Variants in DCC observed in about 807,000 individuals in gnomAD.
The protein encoded by DCC is DCC netrin 1 receptor, also known as netrin receptor DCC.
A neutral mutation model predicts 172.5 loss-of-function variants in DCC; 58 were observed. The observed-to-expected ratio is 0.34, with a 90% CI of 0.27 to 0.42. The LOEUF is 0.42. Among genes scored for constraint, DCC ranks in the 10% least tolerant of loss-of-function variants. The probability of loss-of-function intolerance (pLI) is 1.00; values close to 1 mark genes in which losing one functional copy is unlikely to be tolerated. For synonymous variants in DCC, 709 were observed against 644.5 expected, an observed-to-expected ratio of 1.10 and a Z score of -1.52; for missense variants, 1,740 against 1,791.0, an observed-to-expected ratio of 0.97 and a Z score of 0.51.
At chr18:53,003,150 T>C (rs957216025) in intron 5 of DCC, among the ~76,000 whole-genome samples, 17 of 152,128 alleles carry the variant, frequency 1.1e-4, no homozygotes, top group Non-Finnish European at 1.6e-4. Flanking sequence ...GAAAGTGACT[T>C]GACGTCCTCT....
At chr18:53,070,432 C>T (rs897671804) in intron 7 of DCC, among the ~76,000 whole-genome samples, 5 of 152,168 alleles carry the variant, frequency 3.3e-5, no homozygotes, top group Admixed American at 6.5e-5. Flanking sequence ...AAGCTATTTC[C>T]TTCTAATTTC....
In DCC at chr18:53,518,801, G is replaced by C. The variant is rs149106042; in HGVS notation, c.4112-7816G>C. 2.8e-3 allele frequency among the ~76,000 whole-genome samples: 433 copies of C among 152,216 alleles called. 1 individual carries two copies. The highest frequency in any genetic ancestry group is 0.014 in the Middle Eastern group (4 of 294). ...CCTGGATAGGGGAAATTCTGCAGTGGCTTCAGATTGAGCATTCGTAAATTT... is the reference window on the plus strand; with the variant it reads ...CCTGGATAGGGGAAATTCTGCAGTGCCTTCAGATTGAGCATTCGTAAATTT... On this transcript the variant is annotated intron_variant, in intron 27 of 28. Transcript: ENST00000442544.
At chr18:52,830,638 C>T (rs2038597282) in intron 2 of DCC, among the ~76,000 whole-genome samples, 1 of 152,116 alleles carries the variant, frequency 6.6e-6, no homozygotes, top group Admixed American at 6.5e-5. Context: ...ATTAGTCACT[C>T]ATTTATAGAT....
At chr18:53,434,687 C>G (rs67680898) in intron 21 of DCC, among the ~76,000 whole-genome samples, 36,177 of 152,010 alleles carry the variant, frequency 0.24, 4,796 homozygotes, top group East Asian at 0.41. Context: ...ATACCCAAAG[C>G]CCAGTTATAA....
chr18:52,476,383 G>A (rs1989094960), intron 1 of DCC, among the ~76,000 whole-genome samples: 1 of 152,128 alleles, frequency 6.6e-6, no homozygotes, highest in Non-Finnish European at 1.5e-5. Context: ...GCATTCGTGT[G>A]AGCGTTTAAT....
chr18:52,814,875 C>T (rs2038264473), intron 2 of DCC, among the ~76,000 whole-genome samples: 1 of 152,004 alleles, frequency 6.6e-6, no homozygotes, highest in South Asian at 2.1e-4. Flanking sequence ...GACGTTGGTA[C>T]AGTGAGTGAT....
intron 1 of DCC, among the ~76,000 whole-genome samples, chr18:52,681,796 C>A (rs1007535708): frequency 6.6e-6 from 1 of 152,114 alleles, no homozygotes; most frequent in Non-Finnish European, 1.5e-5. Context: ...TGAGGAGACC[C>A]TCTGTGCCAT....
At chr18:53,327,359 A>G (rs907640520) in intron 14 of DCC, among the ~76,000 whole-genome samples, 2 of 152,166 alleles carry the variant, frequency 1.3e-5, no homozygotes, top group African/African-American at 4.8e-5. Context: ...TTTCATGTAA[A>G]TGTCTTGCAT....
chr18:52,997,664 G>T (rs2041502994), intron 5 of DCC, among the ~76,000 whole-genome samples: 1 of 152,054 alleles, frequency 6.6e-6, no homozygotes, highest in Admixed American at 6.6e-5. Flanking sequence ...CATATTGTTT[G>T]TTCTACAGGT....
chr18:52,581,187 T>TTATCTATCTATCTATCTATCTATC (rs74178674), intron 1 of DCC, among the ~76,000 whole-genome samples: 27,466 of 146,394 alleles, frequency 0.19, 2,974 homozygotes, highest in East Asian at 0.38. Flanking sequence ...TCTATATATC[T>TTATCTATCTATCTATCTATCTATC]TATCTATCTA....
chr18:52,865,881 G>A (rs982273449), intron 2 of DCC, among the ~76,000 whole-genome samples: 10 of 152,182 alleles, frequency 6.6e-5, no homozygotes, highest in South Asian at 2.1e-4. Flanking sequence ...CTTTTGCTGC[G>A]CAGAAACTAT....
intron 2 of DCC, among the ~76,000 whole-genome samples, chr18:52,805,506 C>G (rs1161081763): frequency 6.6e-6 from 1 of 151,968 alleles, no homozygotes; most frequent in Non-Finnish European, 1.5e-5. Flanking sequence ...GAGAGAAGAG[C>G]CAGAGAGGTA....
intron 7 of DCC, among the ~76,000 whole-genome samples, chr18:53,070,424 G>A (rs2042637104): frequency 6.6e-6 from 1 of 152,166 alleles, no homozygotes; most frequent in Non-Finnish European, 1.5e-5. Context: ...AAAATAAAAA[G>A]CTATTTCCTT....
intron 12 of DCC, among the ~76,000 whole-genome samples, chr18:53,220,072 G>A (rs1249325384): frequency 6.6e-6 from 1 of 152,096 alleles, no homozygotes; most frequent in Non-Finnish European, 1.5e-5. Context: ...GTGGGTGGCT[G>A]AGTGAGTCAT....
chr18:52,415,195 T>A (rs1986977553), intron 1 of DCC, among the ~76,000 whole-genome samples: 1 of 152,182 alleles, frequency 6.6e-6, no homozygotes. Context: ...GGACCCTTCA[T>A]AACCTTTTCA....
chr18:52,532,095 T>C (rs532553299), intron 1 of DCC, among the ~76,000 whole-genome samples: 1 of 152,280 alleles, frequency 6.6e-6, no homozygotes, highest in African/African-American at 2.4e-5. Flanking sequence ...TCTACAGGTA[T>C]ATTGGAGTGA....
At chr18:52,369,648 G>A (rs572725287) in intron 1 of DCC, among the ~76,000 whole-genome samples, 1 of 151,646 alleles carries the variant, frequency 6.6e-6, no homozygotes, top group South Asian at 2.1e-4. Context: ...TTCTTTAATT[G>A]TCAGTACTGA....
intron 13 of DCC, among the ~76,000 whole-genome samples, chr18:53,321,584 C>T (rs1308575515): frequency 6.6e-6 from 1 of 151,970 alleles, no homozygotes; most frequent in Non-Finnish European, 1.5e-5. Flanking sequence ...GAGACAAAAG[C>T]CCTAATATTT....
At chr18:52,534,938 A>T (rs1010131838) in intron 1 of DCC, among the ~76,000 whole-genome samples, 1 of 152,176 alleles carries the variant, frequency 6.6e-6, no homozygotes, top group Admixed American at 6.6e-5. Context: ...TATAGCTGGA[A>T]TACAGATATT....
Sources: gnomAD v4.1 joint callset for allele counts (sites outside exome capture counted in the v4.1 genomes callset) on GRCh38, gnomAD v4.1.1 for gene constraint, MANE v1.5 for transcripts, NCBI Gene and HGNC (gene_info 2026-07-23, HGNC 2026-07-21) for gene names.